Variants in PCNX2 observed in about 807,000 individuals in gnomAD.
PCNX2 encodes the protein pecanex 2.
In PCNX2, 168 loss-of-function variants were observed where a neutral mutation model predicts 223.8. The ratio of observed to expected loss-of-function variants is 0.75; its 90% CI spans 0.66 to 0.85. The LOEUF is 0.85. PCNX2 is among the 40% of genes least tolerant of loss of function. The probability of loss-of-function intolerance (pLI) is 0.00; values close to 1 mark genes in which losing one functional copy is unlikely to be tolerated. For synonymous variants in PCNX2, 1,006 were observed against 1,052.6 expected (o/e 0.96, Z 0.86); for missense variants, 2,507 against 2,675.5 (o/e 0.94, Z 1.39).
chr1:233,032,383 G>A (rs748377728), intron 25 of PCNX2, among the ~76,000 whole-genome samples: 2 of 152,164 alleles, frequency 1.3e-5, no homozygotes, highest in Non-Finnish European at 2.9e-5. Flanking sequence ...GATTACAGGT[G>A]TGAGCCACCG....
chr1:233,167,962 G>T, intron 17 of PCNX2: 1 of 380,212 alleles, frequency 2.6e-6, no homozygotes, highest in Non-Finnish European at 3.6e-6. Context: ...GAATTTACTG[G>T]TACTGCCCTC....
intron 21 of PCNX2, among the ~76,000 whole-genome samples, chr1:233,131,162 C>A (rs572253684): frequency 1.3e-5 from 2 of 152,292 alleles, no homozygotes; most frequent in South Asian, 2.1e-4. Flanking sequence ...AACAATAATT[C>A]TCTATTTAGT....
chr1:233,035,042 G>A (rs1671404085), intron 25 of PCNX2, among the ~76,000 whole-genome samples: 1 of 152,148 alleles, frequency 6.6e-6, no homozygotes, highest in Admixed American at 6.5e-5. Flanking sequence ...AAGTGATAGG[G>A]ACCAGAACTA....
intron 25 of PCNX2, among the ~76,000 whole-genome samples, chr1:233,040,314 C>T (rs1004902793): frequency 2.0e-5 from 3 of 152,194 alleles, no homozygotes; most frequent in Non-Finnish European, 4.4e-5. Context: ...AAGCTTTCCA[C>T]GCACATGACC....
intron 1 of PCNX2, among the ~76,000 whole-genome samples, chr1:233,284,586 T>C (rs933808820): frequency 6.6e-6 from 1 of 152,156 alleles, no homozygotes; most frequent in Non-Finnish European, 1.5e-5. Flanking sequence ...TATTCATGCC[T>C]GTTTATCTGT....
intron 21 of PCNX2, among the ~76,000 whole-genome samples, chr1:233,132,668 C>T (rs1571938799): frequency 6.6e-6 from 1 of 152,280 alleles, no homozygotes; most frequent in East Asian, 1.9e-4. Context: ...CAGTGTGTCA[C>T]TTCCTTTTTC....
intron 19 of PCNX2, among the ~76,000 whole-genome samples, chr1:233,146,858 A>G (rs1279452790): frequency 2.0e-5 from 3 of 152,220 alleles, no homozygotes; most frequent in Non-Finnish European, 2.9e-5. Context: ...TTTTCCAGTG[A>G]GTGGAGATAG....
At position 233,001,687 on chromosome 1, in the gene PCNX2, A is replaced by C. The variant is rs1304422144; in HGVS notation, c.4953-6T>G. ...CATACAGGAAAGAATCCAGGCTGCA[A>C]AACAAAGTCCTATTACTATGGAACA... On this transcript the variant is annotated splice_region_variant and splice_polypyrimidine_tract_variant and intron_variant, in intron 28 of 33. Coordinates refer to ENST00000258229, the MANE Select transcript of PCNX2 (RefSeq NM_014801.4). The surrounding 1 kb of genome is among the most constrained non-coding windows in gnomAD (Gnocchi z 4.2). 1.3e-6 allele frequency: 2 copies of C among 1,563,082 alleles called. No homozygotes were observed. Among genetic ancestry groups the C allele is most frequent in the Non-Finnish European group, 1.7e-6 (2 of 1,152,728 alleles).
intron 21 of PCNX2, chr1:233,112,709 TTGAACA>T: frequency 1.8e-6 from 1 of 567,780 alleles, no homozygotes; most frequent in Non-Finnish European, 2.2e-6. Flanking sequence ...GTGTAGATCT[TTGAACA>T]ATATAACTAA....
intron 12 of PCNX2, among the ~76,000 whole-genome samples, chr1:233,214,330 G>A (rs962972011): frequency 6.6e-6 from 1 of 151,780 alleles, no homozygotes; most frequent in Non-Finnish European, 1.5e-5. Context: ...CTATGATTGA[G>A]AGAAGTAAGT....
intron 19 of PCNX2, among the ~76,000 whole-genome samples, chr1:233,149,765 T>A (rs763963129): frequency 1.6e-4 from 25 of 152,070 alleles, no homozygotes; most frequent in South Asian, 4.1e-4. Context: ...AAGCCCTTGA[T>A]CTCCGTTTAG....
At position 233,095,793 on chromosome 1, in the gene PCNX2, G is replaced by A; in HGVS notation, c.3908C>T (p.Ser1303Phe). Residue 1303 changes from serine to phenylalanine, a missense_variant, in exon 22 of 34, where the codon TCT (serine) becomes TTT (phenylalanine). Physicochemically the swap from Ser to Phe is radical, Grantham distance 155 (BLOSUM62 -2). This residue lies in a region of PCNX2 where 1,372 missense variants were observed against 1,509.4 expected (regional missense o/e 0.91). Transcript: ENST00000258229. The stretch of plus-strand genomic sequence containing the variant: ...GAGCTGAGCAAACACGTGAAACGAA[G>A]AACCCCAAGCCATCTGCCAAGGAGC... The part of the protein sequence containing the change: ...YVAPWQMAWG[S>F]SFHVFAQLFA... 6.2e-7 allele frequency: 1 copy of A among 1,612,194 alleles called. No individual in the cohort carries two copies.
In PCNX2 at chr1:232,998,318, G is replaced by T; in HGVS notation, c.5724C>A (p.Ser1908Arg). Reference sequence around the variant, plus strand: ...CACCGCCTTTTCTGGGCTGTTCTGCGCTGCTCTCCTGGCTGCCACCACTCG... The same window carrying T: ...CACCGCCTTTTCTGGGCTGTTCTGCTCTGCTCTCCTGGCTGCCACCACTCG... ...NAPSGGSQES[S>R]AEQPRKGGAQ... The change falls in exon 32 of 34, where the codon AGC becomes AGA. Residue 1908 changes from serine to arginine, a missense_variant. Ser to Arg is a moderately radical substitution (Grantham distance 110, BLOSUM62 -1). Around this residue, in one of 3 missense-constraint regions of PCNX2, gnomAD observed 1,372 missense variants for 1,509.4 expected, o/e 0.91. Transcript: ENST00000258229. 1 of 1,612,752 alleles carries T rather than the reference G, an allele frequency of 6.2e-7. No individual in the cohort carries two copies.
chr1:233,107,040 T>TA lies in PCNX2; in HGVS notation c.3838-11178dup, dbSNP rs199690728. Among the ~76,000 whole-genome samples, 15 of 151,286 alleles carry TA rather than the reference T, an allele frequency of 9.9e-5. No individual in the cohort carries two copies. The South Asian group carries it at 1.9e-3, about 19-fold the overall frequency. ...CAAAATATAATAATACGAGTTAACT[T>TA]AAAAAAAAAGTACAGAGTTACACAA... is the stretch of plus-strand genomic sequence containing the variant. On this transcript the variant is annotated intron_variant, in intron 21 of 33. Coordinates refer to ENST00000258229, the MANE Select transcript of PCNX2 (RefSeq NM_014801.4).
rs1376511256 is a variant in PCNX2, at chr1:233,198,971, G to C, written c.3034C>G (p.Leu1012Val). The change falls in exon 15 of 34, where the codon CTG becomes GTG. Residue 1012 changes from leucine to valine, a missense_variant. Leu to Val is a conservative substitution (Grantham distance 32). Transcript: ENST00000258229. ...GCACTGAAGCAGACTGCGTGGAGCAGGGCGGCAGCCAAGACGCTCCGGGCC... is the reference window on the plus strand; with the variant it reads ...GCACTGAAGCAGACTGCGTGGAGCACGGCGGCAGCCAAGACGCTCCGGGCC... ...SVARSVLAAA[L>V]LHAVCFSAVK... 2.5e-6 allele frequency: 4 copies of C among 1,606,190 alleles called. No individual in the cohort carries two copies. The highest frequency in any genetic ancestry group is 3.4e-5 in the Admixed American group (2 of 59,116).
Position 233,258,083 on chromosome 1 carries a change from T to C in PCNX2, c.1779A>G (p.Ala593=). ...CAGCTGAGCCATTCAGTTGACTGGATGCCGTCATCTTGGAAGTATTAATGG... is the reference window on the plus strand; with the variant it reads ...CAGCTGAGCCATTCAGTTGACTGGACGCCGTCATCTTGGAAGTATTAATGG... ...LESINTSKMT[A]SSQLNGSAEQ... Residue 593 remains alanine, a synonymous_variant, in exon 5 of 34, where the codon GCA becomes GCG. Transcript: ENST00000258229. 1 of 1,614,016 alleles carries C rather than the reference T, an allele frequency of 6.2e-7. No individual in the cohort carries two copies. The highest frequency in any genetic ancestry group is 8.5e-7 in the Non-Finnish European group (1 of 1,179,882).
intron 17 of PCNX2, chr1:233,167,737 T>C (rs1281374202): frequency 1.0e-6 from 1 of 984,622 alleles, no homozygotes; most frequent in Non-Finnish European, 1.2e-6. Context: ...AGGAATCTTG[T>C]AAAACACCTG....
At chr1:233,208,050 G>A (rs1305301859) in intron 13 of PCNX2, among the ~76,000 whole-genome samples, 2 of 152,050 alleles carry the variant, frequency 1.3e-5, no homozygotes, top group Non-Finnish European at 2.9e-5. Context: ...CTGCCTCCCG[G>A]GTTCAAGCAA....
At chr1:233,271,090 A>G (rs1369688969) in intron 1 of PCNX2, among the ~76,000 whole-genome samples, 1 of 152,216 alleles carries the variant, frequency 6.6e-6, no homozygotes, top group East Asian at 1.9e-4. Context: ...CATAATACTT[A>G]TATTTTTAAT....
Sources: allele counts gnomAD v4.1 joint callset (sites outside exome capture counted in the v4.1 genomes callset), GRCh38; gene constraint gnomAD v4.1.1; regional missense constraint gnomAD v4.1.1; non-coding constraint Gnocchi (gnomAD v3.1); transcripts MANE v1.5; gene names NCBI Gene and HGNC (gene_info 2026-07-23, HGNC 2026-07-21).